The following MARCHF11 variants were observed in gnomAD, a reference collection of about 807,000 sequenced individuals.
The protein encoded by MARCHF11 is membrane associated ring-CH-type finger 11, also known as E3 ubiquitin-protein ligase MARCHF11.
In MARCHF11, 29 loss-of-function variants were observed where a neutral mutation model predicts 37.3. That is an observed-to-expected ratio of 0.78 (90% CI 0.58 to 1.06). The LOEUF is 1.06. Among genes scored for constraint, MARCHF11 ranks in the 50% least tolerant of loss-of-function variants. The pLI, the probability that MARCHF11 is intolerant of heterozygous loss-of-function variation, is 0.00. For synonymous variants in MARCHF11, 233 were observed against 228.0 expected, an observed-to-expected ratio of 1.02 and a Z score of -0.20; for missense variants, 482 against 533.4, an observed-to-expected ratio of 0.90 and a Z score of 0.95.
intron 3 of MARCHF11, among the ~76,000 whole-genome samples, chr5:16,081,856 G>T (rs1736615241): frequency 6.6e-6 from 1 of 152,218 alleles, no homozygotes; most frequent in African/African-American, 2.4e-5. Flanking sequence ...GCCTTAAAGG[G>T]TTAACTAGCC....
intron 2 of MARCHF11, among the ~76,000 whole-genome samples, chr5:16,098,684 C>G (rs1258727734): frequency 3.3e-5 from 5 of 151,682 alleles, no homozygotes; most frequent in Non-Finnish European, 7.4e-5. Context: ...AGGAGAATCG[C>G]TTGAACCCAG....
At chr5:16,141,547 T>C (rs1737707942) in intron 2 of MARCHF11, 1 of 152,038 alleles carries the variant, frequency 6.6e-6, no homozygotes, top group African/African-American at 2.4e-5. Flanking sequence ...GTTGGCAAAA[T>C]AAAAGAATGG....
intron 2 of MARCHF11, among the ~76,000 whole-genome samples, chr5:16,129,577 T>C (rs1364151435): frequency 1.3e-5 from 2 of 152,214 alleles, no homozygotes; most frequent in East Asian, 3.8e-4. Context: ...TTAGAGTTAT[T>C]TTATATTCTT....
intron 3 of MARCHF11, among the ~76,000 whole-genome samples, chr5:16,079,169 T>C (rs1388657207): frequency 6.6e-6 from 1 of 152,138 alleles, no homozygotes; most frequent in Non-Finnish European, 1.5e-5. Context: ...CCTCTACTAT[T>C]CATCCTTTGC....
chr5:16,176,123 T>A (rs1234328441), intron 2 of MARCHF11, among the ~76,000 whole-genome samples: 1 of 151,814 alleles, frequency 6.6e-6, no homozygotes, highest in African/African-American at 2.4e-5. Flanking sequence ...CAGCTCTTGA[T>A]CTCCTATTTT....
chr5:16,160,598 T>A (rs1738059785), intron 2 of MARCHF11, among the ~76,000 whole-genome samples: 1 of 151,576 alleles, frequency 6.6e-6, no homozygotes, highest in Admixed American at 6.6e-5. Flanking sequence ...TGCTTTATAT[T>A]CTTAAGATAA....
chr5:16,123,193 C>T (rs960289893), intron 2 of MARCHF11, among the ~76,000 whole-genome samples: 5 of 152,130 alleles, frequency 3.3e-5, no homozygotes, highest in African/African-American at 7.2e-5. Flanking sequence ...TCCTAAGCCC[C>T]GGTACTTTAC....
chr5:16,116,788 G>C (rs1737232725), intron 2 of MARCHF11, among the ~76,000 whole-genome samples: 1 of 152,168 alleles, frequency 6.6e-6, no homozygotes, highest in African/African-American at 2.4e-5. Context: ...TAAGAAATGG[G>C]ATTTGGGGAA....
intron 2 of MARCHF11, among the ~76,000 whole-genome samples, chr5:16,163,864 TA>T (rs1181365466): frequency 2.6e-5 from 4 of 152,066 alleles, no homozygotes; most frequent in African/African-American, 4.8e-5. Context: ...ATAAAAGGGT[TA>T]GGGGGAGTAT....
At chr5:16,177,207 T>A (rs939147987) in intron 2 of MARCHF11, among the ~76,000 whole-genome samples, 12 of 152,220 alleles carry the variant, frequency 7.9e-5, no homozygotes, top group Non-Finnish European at 1.5e-4. Context: ...AGCCAAAATT[T>A]AACTGCAAAA....
intron 1 of MARCHF11, among the ~76,000 whole-genome samples, chr5:16,178,093 G>A (rs1030250789): frequency 5.9e-5 from 9 of 152,174 alleles, no homozygotes; most frequent in Non-Finnish European, 1.3e-4. Flanking sequence ...TGACATAAAT[G>A]TTCTACCAAC....
At chr5:16,146,814 T>C (rs1390982156) in intron 2 of MARCHF11, among the ~76,000 whole-genome samples, 2 of 152,142 alleles carry the variant, frequency 1.3e-5, no homozygotes, top group African/African-American at 2.4e-5. Context: ...GAAGCAGATA[T>C]ACAGGATGTA....
intron 2 of MARCHF11, among the ~76,000 whole-genome samples, chr5:16,171,177 C>T (rs145496798): frequency 6.6e-5 from 10 of 151,934 alleles, no homozygotes; most frequent in Non-Finnish European, 1.2e-4. Flanking sequence ...CATATGTATA[C>T]ATGTGCCATG....
chr5:16,179,242 C>A lies in MARCHF11; in HGVS notation c.334G>T (p.Ala112Ser). 1 of 1,344,408 alleles carries A rather than the reference C, an allele frequency of 7.4e-7. No individual in the cohort carries two copies. Among genetic ancestry groups the A allele is most frequent in the South Asian group, 1.8e-5 (1 of 55,928 alleles). The allele number at this position is 1,344,408 out of a possible 1,614,324, so 83.3% of individuals were successfully genotyped here. A position where few individuals can be genotyped will look rare whatever the true frequency, so the allele number is the denominator to read the frequency against. The change falls in exon 1 of 4, where the codon GCG (alanine) becomes TCG (serine). Residue 112 changes from alanine to serine, a missense_variant. Ala to Ser is a moderately conservative substitution (Grantham distance 99, BLOSUM62 1). Transcript: ENST00000332432. ...SGEGPRRLPE[A>S]AAAKGGPGES... ...CCGGGGCCGCCTTTCGCTGCTGCCG[C>A]CTCCGGGAGGCGCCTCGGACCTTCC...
intron 2 of MARCHF11, among the ~76,000 whole-genome samples, chr5:16,134,415 G>T (rs900056104): frequency 6.6e-6 from 1 of 152,062 alleles, no homozygotes; most frequent in East Asian, 1.9e-4. Context: ...GCTGCCATGC[G>T]ATGACACAGC....
chr5:16,079,075 A>G (rs1462652481), intron 3 of MARCHF11, among the ~76,000 whole-genome samples: 1 of 151,592 alleles, frequency 6.6e-6, no homozygotes, highest in African/African-American at 2.4e-5. Context: ...TTGACCCCTG[A>G]CTCCTGAGCC....
chr5:16,096,871 C>A (rs80303100), intron 2 of MARCHF11, among the ~76,000 whole-genome samples: 1,740 of 152,264 alleles, frequency 0.011, 27 homozygotes, highest in African/African-American at 0.04. Context: ...ATTTAGGAAC[C>A]AATTTCCTCT....
intron 2 of MARCHF11, among the ~76,000 whole-genome samples, chr5:16,136,268 T>C (rs1240296716): frequency 6.6e-6 from 1 of 151,558 alleles, no homozygotes; most frequent in Non-Finnish European, 1.5e-5. Context: ...TATTCAAGGG[T>C]ACATTGGGTA....
intron 2 of MARCHF11, among the ~76,000 whole-genome samples, chr5:16,094,116 C>T (rs1736826003): frequency 6.6e-6 from 1 of 152,194 alleles, no homozygotes; most frequent in Non-Finnish European, 1.5e-5. Flanking sequence ...CCTTTGAAGA[C>T]AGCTATCATC....
Sources: gnomAD v4.1 joint callset for allele counts (sites outside exome capture counted in the v4.1 genomes callset) on GRCh38, gnomAD v4.1.1 for gene constraint, MANE v1.5 for transcripts, NCBI Gene and HGNC (gene_info 2026-07-23, HGNC 2026-07-21) for gene names.